The following CNTN4 variants were observed in gnomAD, a reference collection of about 807,000 sequenced individuals.
The protein encoded by CNTN4 is contactin-4.
CNTN4 carries 77 observed loss-of-function variants against 122.5 expected under a neutral mutation model. The ratio of observed to expected loss-of-function variants is 0.63; its 90% CI spans 0.52 to 0.76. CNTN4 has a LOEUF of 0.76. Among genes scored for constraint, CNTN4 ranks in the 30% least tolerant of loss-of-function variants. The pLI is 0.00. For synonymous variants in CNTN4, 512 were observed against 447.0 expected, an observed-to-expected ratio of 1.15 and a Z score of -1.83; for missense variants, 1,256 against 1,259.1, an observed-to-expected ratio of 1.00 and a Z score of 0.04.
At chr3:2,948,757 A>G (rs1383101096) in intron 13 of CNTN4, among the ~76,000 whole-genome samples, 2 of 152,158 alleles carry the variant, frequency 1.3e-5, no homozygotes, top group Non-Finnish European at 2.9e-5. Context: ...GAGATACTAC[A>G]TACACCAGAC....
chr3:2,576,772 T>C (rs2079709189), intron 4 of CNTN4, among the ~76,000 whole-genome samples: 1 of 152,170 alleles, frequency 6.6e-6, no homozygotes, highest in African/African-American at 2.4e-5. Flanking sequence ...GGTCTCGAAC[T>C]CTTAACCTCA....
At chr3:2,482,505 T>G (rs2076033801) in intron 3 of CNTN4, among the ~76,000 whole-genome samples, 1 of 151,900 alleles carries the variant, frequency 6.6e-6, no homozygotes, top group Admixed American at 6.5e-5. Context: ...AGGAGCTGAA[T>G]ATATCACCAT....
Position 2,711,581 on chromosome 3 carries a change from A to T in CNTN4, c.56-24634A>T, listed in dbSNP as rs73008001. Reference sequence around the variant, plus strand: ...TTTAGGATGATGGCAAGGCCTCTGAACGTACAAAAAGGGGGTTTCCATCAG... The same window carrying T: ...TTTAGGATGATGGCAAGGCCTCTGATCGTACAAAAAGGGGGTTTCCATCAG... On this transcript the variant is annotated intron_variant, in intron 4 of 24. Coordinates refer to ENST00000418658, the MANE Select transcript of CNTN4 (RefSeq NM_175607.3). 4.2e-3 allele frequency among the ~76,000 whole-genome samples: 640 copies of T among 152,290 alleles called. 6 individuals are homozygous for T. The highest frequency in any genetic ancestry group is 6.8e-3 in the Middle Eastern group (2 of 294).
intron 3 of CNTN4, among the ~76,000 whole-genome samples, chr3:2,416,785 C>T (rs1329537331): frequency 3.9e-5 from 6 of 152,108 alleles, no homozygotes; most frequent in Non-Finnish European, 5.9e-5. Flanking sequence ...TCCCGAGTAG[C>T]TGGGACTACA....
chr3:2,994,544 A>G (rs562112201), intron 14 of CNTN4, among the ~76,000 whole-genome samples: 1 of 150,858 alleles, frequency 6.6e-6, no homozygotes, highest in African/African-American at 2.4e-5. Context: ...AAGAGTGCTC[A>G]TTGTTCACCC....
intron 3 of CNTN4, among the ~76,000 whole-genome samples, chr3:2,546,785 T>A (rs1164451227): frequency 6.6e-6 from 1 of 152,096 alleles, no homozygotes; most frequent in Non-Finnish European, 1.5e-5. Flanking sequence ...GAAGAAGAAA[T>A]GGCCATGGGC....
intron 16 of CNTN4, among the ~76,000 whole-genome samples, chr3:3,034,349 TATTAAC>T (rs913130441): frequency 2.6e-5 from 4 of 152,216 alleles, no homozygotes; most frequent in African/African-American, 9.7e-5. Flanking sequence ...CAATACTCTC[TATTAAC>T]ATTAAGTATT....
At chr3:2,267,050 G>A (rs1485604538) in intron 2 of CNTN4, among the ~76,000 whole-genome samples, 1 of 152,024 alleles carries the variant, frequency 6.6e-6, no homozygotes, top group Admixed American at 6.6e-5. Flanking sequence ...AAGAAAGATG[G>A]TGCCAGGGGA....
intron 2 of CNTN4, among the ~76,000 whole-genome samples, chr3:2,307,494 A>G (rs993152447): frequency 3.3e-5 from 5 of 151,940 alleles, no homozygotes; most frequent in African/African-American, 1.2e-4. Flanking sequence ...TCTCACGGGA[A>G]AAGCTTTCAT....
intron 14 of CNTN4, among the ~76,000 whole-genome samples, chr3:3,003,704 A>ACC (rs766512072): frequency 2.9e-5 from 4 of 139,976 alleles, no homozygotes; most frequent in Non-Finnish European, 4.8e-5. Flanking sequence ...AAAAAAAAAA[A>ACC]AAAAAAAAAA....
intron 2 of CNTN4, among the ~76,000 whole-genome samples, chr3:2,268,731 T>G (rs1161517981): frequency 6.6e-6 from 1 of 152,090 alleles, no homozygotes; most frequent in Admixed American, 6.6e-5. Flanking sequence ...GAATCAAAAT[T>G]TTTTATAACA....
chr3:2,362,477 G>A, intron 3 of CNTN4: 1 of 477,852 alleles, frequency 2.1e-6, no homozygotes, highest in Non-Finnish European at 4.2e-6. Context: ...GACTAGCAGT[G>A]TCTTGTGTTC....
chr3:2,764,485 ACAGAGCAAGGCTGAATGCAG>A, intron 6 of CNTN4, among the ~76,000 whole-genome samples: 1 of 152,320 alleles, frequency 6.6e-6, no homozygotes, highest in Non-Finnish European at 1.5e-5. Flanking sequence ...GCTGGAGGGC[ACAGAGCAAGGCTGAATGCAG>A]CAGAGCAGAA....
chr3:2,644,743 G>C (rs2083045904), intron 4 of CNTN4, among the ~76,000 whole-genome samples: 3 of 146,320 alleles, frequency 2.1e-5, no homozygotes, highest in African/African-American at 7.6e-5. Context: ...ATGGGCGCAG[G>C]CTTTTTGTGG....
At chr3:2,159,358 CAG>C (rs138895338) in intron 2 of CNTN4, among the ~76,000 whole-genome samples, 1,939 of 152,104 alleles carry the variant, frequency 0.013, 45 homozygotes, top group African/African-American at 0.044. Flanking sequence ...AATATCAAAA[CAG>C]AAAAAAAATT....
At chr3:2,892,005 G>A (rs1386365260) in intron 10 of CNTN4, among the ~76,000 whole-genome samples, 2 of 152,212 alleles carry the variant, frequency 1.3e-5, no homozygotes, top group African/African-American at 4.8e-5. Context: ...ATATTTTGGA[G>A]TTAGAGCCAA....
chr3:2,279,635 A>T (rs2041642613), intron 2 of CNTN4, among the ~76,000 whole-genome samples: 1 of 152,206 alleles, frequency 6.6e-6, no homozygotes, highest in Non-Finnish European at 1.5e-5. Flanking sequence ...TTGTCAAACC[A>T]GATGAAAAGG....
chr3:2,500,340 T>A (rs933021767), intron 3 of CNTN4, among the ~76,000 whole-genome samples: 2 of 152,136 alleles, frequency 1.3e-5, no homozygotes, highest in Non-Finnish European at 2.9e-5. Context: ...TTTTAGTCAG[T>A]AATTGTGTAG....
At chr3:2,719,089 C>T (rs2087677337) in intron 4 of CNTN4, among the ~76,000 whole-genome samples, 2 of 152,172 alleles carry the variant, frequency 1.3e-5, no homozygotes, top group South Asian at 4.1e-4. Context: ...TACTAACCAT[C>T]AGCTTGTCAG....
Sources: allele counts gnomAD v4.1 joint callset (sites outside exome capture counted in the v4.1 genomes callset), GRCh38; gene constraint gnomAD v4.1.1; transcripts MANE v1.5; gene names NCBI Gene and HGNC (gene_info 2026-07-23, HGNC 2026-07-21).